Variants in MRPL3 observed in about 807,000 individuals in gnomAD.
MRPL3 encodes the protein large ribosomal subunit protein uL3m.
MRPL3 carries 43 observed loss-of-function variants against 44.3 expected under a neutral mutation model. The ratio of observed to expected loss-of-function variants is 0.97; its 90% CI spans 0.76 to 1.25. The LOEUF is 1.25. MRPL3 is among the 50% of genes most tolerant of loss of function. The probability of loss-of-function intolerance (pLI) is 0.00; values close to 1 mark genes in which losing one functional copy is unlikely to be tolerated. For missense variants in MRPL3, 406 were observed against 427.6 expected, an observed-to-expected ratio of 0.95 and a Z score of 0.45; for synonymous variants, 171 against 152.3, an observed-to-expected ratio of 1.12 and a Z score of -0.91.
chr3:131,482,235 G>A (rs1043613065), intron 6 of MRPL3, among the ~76,000 whole-genome samples: 1 of 151,950 alleles, frequency 6.6e-6, no homozygotes, highest in African/African-American at 2.4e-5. Flanking sequence ...TTTTATTACT[G>A]GCCAGGCATG....
chr3:131,477,237 A>G (rs1933872577), intron 6 of MRPL3, among the ~76,000 whole-genome samples: 1 of 152,188 alleles, frequency 6.6e-6, no homozygotes, highest in African/African-American at 2.4e-5. Context: ...ATGACCATAT[A>G]CCTGCTTTTA....
At chr3:131,476,080 C>G (rs991489829) in intron 6 of MRPL3, among the ~76,000 whole-genome samples, 2 of 152,174 alleles carry the variant, frequency 1.3e-5, no homozygotes, top group African/African-American at 4.8e-5. Flanking sequence ...AGGTGAACTA[C>G]AGAAGATAAC....
intron 4 of MRPL3, 47 bp from the exon 5 acceptor site, chr3:131,490,127 T>C (rs751760118): frequency 3.1e-6 from 4 of 1,291,934 alleles, no homozygotes; most frequent in Non-Finnish European, 4.5e-6. Context: ...ATATTAAAAG[T>C]GGAATTAAAT....
At chr3:131,464,903 T>A (rs773105085) in intron 9 of MRPL3, among the ~76,000 whole-genome samples, 8 of 152,154 alleles carry the variant, frequency 5.3e-5, no homozygotes, top group Non-Finnish European at 8.8e-5. Context: ...TCAAAACCCA[T>A]AGGCAAGGAA....
intron 6 of MRPL3, among the ~76,000 whole-genome samples, chr3:131,471,709 C>A (rs879854021): frequency 2.0e-5 from 3 of 152,188 alleles, no homozygotes; most frequent in Admixed American, 6.5e-5. Context: ...GTTTAATTCC[C>A]TCCCCTTGAG....
chr3:131,483,213 T>C (rs1934033799), intron 6 of MRPL3, among the ~76,000 whole-genome samples: 1 of 152,130 alleles, frequency 6.6e-6, no homozygotes. Flanking sequence ...TAATTGCTAC[T>C]ATAGAGCAAG....
Position 131,468,122 on chromosome 3 carries a change from G to A in MRPL3, c.863C>T (p.Ser288Phe), listed in dbSNP as rs751903627. ...TKHNIIYVNGSVPGHKNCLVK... is the reference protein window; with the variant it reads ...TKHNIIYVNGFVPGHKNCLVK... ...TAAGCAATTTTTATGTCCAGGTACAGAGCCATTTACATAGATTATGTTGTG... is the reference window on the plus strand; with the variant it reads ...TAAGCAATTTTTATGTCCAGGTACAAAGCCATTTACATAGATTATGTTGTG... The change falls in exon 9 of 10, where the codon TCT becomes TTT. Residue 288 changes from serine to phenylalanine, a missense_variant. Transcript: ENST00000264995. The A allele has an allele frequency of 6.3e-7, 1 of 1,592,568 alleles. No individual in the cohort carries two copies. The highest frequency in any genetic ancestry group is 8.5e-7 in the Non-Finnish European group (1 of 1,171,660).
intron 6 of MRPL3, among the ~76,000 whole-genome samples, chr3:131,477,866 G>A (rs1281619260): frequency 1.3e-5 from 2 of 151,956 alleles, no homozygotes; most frequent in Non-Finnish European, 2.9e-5. Context: ...ACCCCTTAAC[G>A]TCCCGCTCCT....
intron 5 of MRPL3, 30 bp downstream of exon 5, chr3:131,489,951 A>C: frequency 1.4e-6 from 2 of 1,398,438 alleles, no homozygotes; most frequent in Non-Finnish European, 2.0e-6. Flanking sequence ...GGGTATTTTT[A>C]CCTCCCTCCT....
In MRPL3 at chr3:131,462,465, C is replaced by A; in HGVS notation, c.*258G>T. On this transcript the variant is annotated 3_prime_UTR_variant, in exon 10 of 10. Transcript: ENST00000264995. ...ATATGTAGTAAAAAAGAATCGAGTCCACAAATTAAGAATATTTTGCTAATA... is the reference window on the plus strand; with the variant it reads ...ATATGTAGTAAAAAAGAATCGAGTCAACAAATTAAGAATATTTTGCTAATA... 1 of 303,998 alleles carries A rather than the reference C, an allele frequency of 3.3e-6. No individual in the cohort carries two copies. Among genetic ancestry groups the A allele is most frequent in the South Asian group, 1.5e-4 (1 of 6,804 alleles). The allele number at this position is 303,998 out of a possible 1,614,324, so 18.8% of individuals were successfully genotyped here.
At chr3:131,475,536 C>T (rs1933835883) in intron 6 of MRPL3, among the ~76,000 whole-genome samples, 1 of 152,148 alleles carries the variant, frequency 6.6e-6, no homozygotes, top group African/African-American at 2.4e-5. Context: ...CAGCTGAATA[C>T]TATCAAATCA....
chr3:131,495,779 C>T (rs1030579127), intron 4 of MRPL3, among the ~76,000 whole-genome samples: 8 of 152,084 alleles, frequency 5.3e-5, no homozygotes, highest in Admixed American at 4.6e-4. Flanking sequence ...ATAAATTGAG[C>T]TCCCATGTAC....
At chr3:131,498,377 C>T (rs1054316588) in intron 3 of MRPL3, 100 bp from the exon 4 acceptor site, 4 of 659,056 alleles carry the variant, frequency 6.1e-6, no homozygotes, top group East Asian at 5.6e-5. Flanking sequence ...GAATTCCCTA[C>T]AGTTACTTAC....
chr3:131,478,828 C>T (rs1049222985), intron 6 of MRPL3, among the ~76,000 whole-genome samples: 3 of 151,326 alleles, frequency 2.0e-5, no homozygotes, highest in African/African-American at 7.3e-5. Flanking sequence ...CAGGCCTCAG[C>T]CTCCCAAGTA....
chr3:131,469,233 C>G (rs554370037), intron 8 of MRPL3, among the ~76,000 whole-genome samples: 1 of 145,122 alleles, frequency 6.9e-6, no homozygotes, highest in African/African-American at 2.5e-5. Flanking sequence ...CACACACACA[C>G]GCACACACAC....
At chr3:131,495,642 C>T (rs935182422) in intron 4 of MRPL3, among the ~76,000 whole-genome samples, 4 of 151,984 alleles carry the variant, frequency 2.6e-5, no homozygotes, top group African/African-American at 9.7e-5. Flanking sequence ...GTGTGAACAG[C>T]CTCGACTATG....
chr3:131,477,241 G>A lies in MRPL3; in HGVS notation c.630-5962C>T, dbSNP rs1022190903. 2.0e-5 allele frequency among the ~76,000 whole-genome samples: 3 copies of A among 152,174 alleles called. No individual in the cohort carries two copies. The South Asian group carries it at 6.2e-4, about 31-fold the overall frequency. Reference sequence around the variant, plus strand: ...TAAGGTGAAGAATGACCATATACCTGCTTTTAAACCCATCCATTCTGTGTC... The same window carrying A: ...TAAGGTGAAGAATGACCATATACCTACTTTTAAACCCATCCATTCTGTGTC... On this transcript the variant is annotated intron_variant, in intron 6 of 9. Transcript: ENST00000264995.
chr3:131,486,557 T>C (rs1047722571), intron 6 of MRPL3, among the ~76,000 whole-genome samples: 2 of 151,706 alleles, frequency 1.3e-5, no homozygotes, highest in Non-Finnish European at 2.9e-5. Context: ...TTTTGTAATC[T>C]ACCCATCTGA....
At chr3:131,500,586 C>T (rs909878972) in intron 2 of MRPL3, 65 bp from the exon 3 acceptor site, 9 of 1,374,354 alleles carry the variant, frequency 6.5e-6, no homozygotes, top group South Asian at 3.5e-5. Flanking sequence ...ATTATGAAAT[C>T]GTTTTTCCTA....
Sources: allele counts gnomAD v4.1 joint callset (sites outside exome capture counted in the v4.1 genomes callset), GRCh38; gene constraint gnomAD v4.1.1; transcripts MANE v1.5; gene names NCBI Gene and HGNC (gene_info 2026-07-23, HGNC 2026-07-21).